The following ADAMTS17 variants were observed in gnomAD, a reference collection of about 807,000 sequenced individuals.
The protein encoded by ADAMTS17 is ADAM metallopeptidase with thrombospondin type 1 motif 17, also known as A disintegrin and metalloproteinase with thrombospondin motifs 17.
Under a neutral mutation model 141.5 loss-of-function variants are expected in ADAMTS17, and 113 were observed. That is an observed-to-expected ratio of 0.80 (90% CI 0.69 to 0.93). The LOEUF is 0.93. Ranked by LOEUF, ADAMTS17 falls within the 40% of genes least tolerant of loss-of-function variation. The pLI, the probability that ADAMTS17 is intolerant of heterozygous loss-of-function variation, is 0.00. For missense variants in ADAMTS17, 1,659 were observed against 1,517.9 expected (o/e 1.09, Z -1.54); for synonymous variants, 768 against 630.6 (o/e 1.22, Z -3.27).
intron 15 of ADAMTS17, 88 bp downstream of exon 15, chr15:100,096,268 A>T: frequency 1.3e-6 from 2 of 1,594,676 alleles, no homozygotes; most frequent in East Asian, 4.5e-5. Flanking sequence ...GCCCTTAAAT[A>T]TGAAATGTAG....
chr15:99,985,784 A>G (rs1238426048), intron 20 of ADAMTS17, among the ~76,000 whole-genome samples: 1 of 152,214 alleles, frequency 6.6e-6, no homozygotes, highest in African/African-American at 2.4e-5. Flanking sequence ...TGAGGGTCCA[A>G]TGAGATACCC....
chr15:100,094,617 G>C (rs545534606), intron 15 of ADAMTS17, among the ~76,000 whole-genome samples: 6 of 152,312 alleles, frequency 3.9e-5, no homozygotes, highest in African/African-American at 1.4e-4. Context: ...AGTGGGCCTG[G>C]CTGTACCTGA....
intron 4 of ADAMTS17, among the ~76,000 whole-genome samples, chr15:100,275,245 A>G (rs1004150054): frequency 2.6e-5 from 4 of 152,200 alleles, no homozygotes; most frequent in Admixed American, 1.3e-4. Flanking sequence ...TTGATGGCAA[A>G]AAGAATGGAA....
chr15:100,130,218 G>C (rs1036182567), intron 12 of ADAMTS17, among the ~76,000 whole-genome samples: 1 of 152,064 alleles, frequency 6.6e-6, no homozygotes, highest in Admixed American at 6.6e-5. Context: ...ACAAAAAGTA[G>C]CTGGGAGTTG....
At chr15:100,251,664 G>C (rs1178496657) in intron 7 of ADAMTS17, among the ~76,000 whole-genome samples, 1 of 152,226 alleles carries the variant, frequency 6.6e-6, no homozygotes, top group Non-Finnish European at 1.5e-5. Context: ...CCAGAACCCG[G>C]GAGGCAGAGG....
At chr15:100,096,120 G>A (rs947702539) in intron 15 of ADAMTS17, among the ~76,000 whole-genome samples, 28 of 152,214 alleles carry the variant, frequency 1.8e-4, no homozygotes, top group African/African-American at 6.0e-4. Flanking sequence ...ATGGACCTCA[G>A]GCTAAGTGGG....
intron 15 of ADAMTS17, among the ~76,000 whole-genome samples, chr15:100,079,027 ACC>A (rs2034562772): frequency 6.6e-6 from 1 of 152,236 alleles, no homozygotes; most frequent in South Asian, 2.1e-4. Context: ...ACCACATTGT[ACC>A]CACTAGGATG....
At chr15:100,244,603 G>C (rs1037794578) in intron 7 of ADAMTS17, among the ~76,000 whole-genome samples, 1 of 152,026 alleles carries the variant, frequency 6.6e-6, no homozygotes, top group African/African-American at 2.4e-5. Context: ...GCTTCTCATG[G>C]GTGGCACCTG....
chr15:100,069,379 G>A lies in ADAMTS17; in HGVS notation c.2138-15325C>T, dbSNP rs1039875239. ...CAAGGCAGGCCAACACTCAAATTCA[G>A]GAAATACAGAGAAATCCACAAAGAT... On this transcript the variant is annotated intron_variant, in intron 15 of 21. Transcript: ENST00000268070. Among the ~76,000 whole-genome samples, 7 of 152,130 alleles carry A rather than the reference G, an allele frequency of 4.6e-5. No homozygotes were observed. In the South Asian group the frequency reaches 1.0e-3, roughly 23 times the overall value.
rs555075753 is a variant in ADAMTS17 at position 100,118,364 on chromosome 15, G to T, written c.1722-1351C>A. 4.2e-4 allele frequency among the ~76,000 whole-genome samples: 64 copies of T among 152,294 alleles called. 1 individual carries two copies. In the South Asian group the frequency reaches 7.3e-3, roughly 17 times the overall value. On this transcript the variant is annotated intron_variant, in intron 12 of 21. Coordinates refer to ENST00000268070, the MANE Select transcript of ADAMTS17 (RefSeq NM_139057.4). ...TGGAGAAAATATCCTGAGGAGAAAGGCCCCTTTCATACTTCTGTCTACCTC... is the reference window on the plus strand; with the variant it reads ...TGGAGAAAATATCCTGAGGAGAAAGTCCCCTTTCATACTTCTGTCTACCTC...
chr15:100,179,334 T>G (rs1422260959), intron 8 of ADAMTS17, among the ~76,000 whole-genome samples: 1 of 152,206 alleles, frequency 6.6e-6, no homozygotes, highest in African/African-American at 2.4e-5. Flanking sequence ...TTCGTATTTC[T>G]GTGCCTGGCT....
At chr15:100,125,699 C>T (rs540427455) in intron 12 of ADAMTS17, among the ~76,000 whole-genome samples, 1 of 152,186 alleles carries the variant, frequency 6.6e-6, no homozygotes, top group Non-Finnish European at 1.5e-5. Context: ...GTAACTCCCA[C>T]CAACAGCAAC....
chr15:100,250,948 A>G (rs935492407), intron 7 of ADAMTS17, among the ~76,000 whole-genome samples: 2 of 152,240 alleles, frequency 1.3e-5, no homozygotes, highest in Non-Finnish European at 1.5e-5. Context: ...TACGACTGCC[A>G]TAACCCCAGT....
chr15:100,224,590 T>G (rs1034528891), intron 7 of ADAMTS17, among the ~76,000 whole-genome samples: 4 of 152,186 alleles, frequency 2.6e-5, no homozygotes, highest in Non-Finnish European at 5.9e-5. Flanking sequence ...TCCTTTATTA[T>G]AAGGTCCTCG....
At chr15:100,019,161 G>A (rs748141272) in intron 18 of ADAMTS17, among the ~76,000 whole-genome samples, 1 of 152,172 alleles carries the variant, frequency 6.6e-6, no homozygotes, top group African/African-American at 2.4e-5. Context: ...GTTCCCAGGG[G>A]CAAGACAGAT....
intron 3 of ADAMTS17, among the ~76,000 whole-genome samples, chr15:100,292,511 T>TGAAATTATGAGAGACACTCACCCCGTGA (rs2044678691): frequency 6.9e-6 from 1 of 145,646 alleles, no homozygotes; most frequent in African/African-American, 2.6e-5. Context: ...TCACCCCGTG[T>TGAAATTATGAGAGACACTCACCCCGTGA]GAAATTATGA....
In ADAMTS17 at chr15:100,155,335, GGA is replaced by G. The variant is rs2039382782; in HGVS notation, c.1182-17_1182-16del. The stretch of plus-strand genomic sequence containing the variant: ...TCATGCCCAAGCTGTCCAAGAAGGA[GGA>G]GAGAGGGATGCTTATGCTACAAGCT... On this transcript the variant is annotated splice_polypyrimidine_tract_variant and intron_variant, in intron 8 of 21. Transcript: ENST00000268070. 2 of 1,611,604 alleles carry G rather than the reference GGA, an allele frequency of 1.2e-6. No homozygotes were observed. Among genetic ancestry groups the G allele is most frequent in the African/African-American group, 2.7e-5 (2 of 74,908 alleles).
chr15:100,154,566 C>T (rs2039341686), intron 9 of ADAMTS17, among the ~76,000 whole-genome samples: 1 of 152,176 alleles, frequency 6.6e-6, no homozygotes, highest in East Asian at 1.9e-4. Flanking sequence ...ACTCTGTAAA[C>T]CCAACCCTGA....
chr15:100,039,149 A>T (rs2031024616), intron 18 of ADAMTS17, among the ~76,000 whole-genome samples: 1 of 152,196 alleles, frequency 6.6e-6, no homozygotes, highest in Admixed American at 6.5e-5. Flanking sequence ...ATTCTTGGCC[A>T]ATCTAGCTAA....
Sources: gnomAD v4.1 joint callset for allele counts (sites outside exome capture counted in the v4.1 genomes callset) on GRCh38, gnomAD v4.1.1 for gene constraint, MANE v1.5 for transcripts, NCBI Gene and HGNC (gene_info 2026-07-23, HGNC 2026-07-21) for gene names.